The following ZNF160 variants were observed in gnomAD, a reference collection of about 807,000 sequenced individuals.
ZNF160 encodes KRAB zinc finger protein KR18.
Under a neutral mutation model 13.1 loss-of-function variants are expected in ZNF160, and 9 were observed. The ratio of observed to expected loss-of-function variants is 0.69; its 90% CI spans 0.41 to 1.20. ZNF160 has a LOEUF of 1.20. Among genes scored for constraint, ZNF160 ranks in the 50% most tolerant of loss-of-function variants. ZNF160 has a pLI of 0.01. For missense variants in ZNF160, 838 were observed against 988.0 expected (o/e 0.85, Z 2.04); for synonymous variants, 293 against 333.2 (o/e 0.88, Z 1.31).
rs142658429 is a variant in ZNF160, at chr19:53,100,621, T to C, written c.-354+2644A>G. ...CGAGACTCCGTCTCCAAAAAAAAAT[T>C]AGTTAATAGGTTCTTATGTTAACGT... On this transcript the variant is annotated intron_variant, in intron 1 of 5. Transcript: ENST00000683776. Among the ~76,000 whole-genome samples the C allele has an allele frequency of 1.3e-3, 198 of 151,016 alleles. 3 individuals are homozygous for C. In the East Asian group the frequency reaches 0.026, roughly 20 times the overall value.
intron 1 of ZNF160, among the ~76,000 whole-genome samples, chr19:53,101,432 AT>A (rs1166644304): frequency 1.3e-5 from 2 of 150,236 alleles, no homozygotes; most frequent in East Asian, 3.9e-4. Context: ...AAATATATAT[AT>A]TATTTAATAT....
chr19:53,098,263 C>T (rs2085310044), intron 1 of ZNF160, among the ~76,000 whole-genome samples: 1 of 152,166 alleles, frequency 6.6e-6, no homozygotes, highest in Non-Finnish European at 1.5e-5. Context: ...CATCCAGCTC[C>T]TCTAGAGGCT....
chr19:53,069,602 T>G lies in ZNF160; in HGVS notation c.932A>C (p.Lys311Thr). The G allele has an allele frequency of 5.0e-6, 8 of 1,614,120 alleles. No individual in the cohort carries two copies. The highest frequency in any genetic ancestry group is 6.8e-6 in the Non-Finnish European group (8 of 1,180,032). Residue 311 changes from lysine to threonine, a missense_variant, in exon 6 of 6, where the codon AAA becomes ACA. Around this residue, in one of 3 missense-constraint regions of ZNF160, gnomAD observed 387 missense variants for 402.3 expected, o/e 0.96. Transcript: ENST00000683776. This position sits in a 1 kb window ranked among gnomAD's most constrained non-coding sequence, Gnocchi z 4.4. ...GCCACACTCATGACATTTGTAAGGT[T>G]TTTCTCCAGTATGGATGACCTGATG... ...TIHQVIHTGE[K>T]PYKCHECGKV... is the part of the protein sequence containing the mutation.
At chr19:53,086,910 C>T (rs1180571228) in intron 2 of ZNF160, among the ~76,000 whole-genome samples, 1 of 152,212 alleles carries the variant, frequency 6.6e-6, no homozygotes, top group Non-Finnish European at 1.5e-5. Context: ...CTCTGCTCTC[C>T]TGTTGGGGAC....
chr19:53,073,336 C>G (rs329733), intron 5 of ZNF160: 959,859 of 1,597,022 alleles, frequency 0.6, 291,807 homozygotes, highest in Admixed American at 0.63. Flanking sequence ...TGAGAACAAT[C>G]TTAGAAGATA....
chr19:53,070,723 A>AT (rs2084139592), intron 5 of ZNF160, among the ~76,000 whole-genome samples: 1 of 152,062 alleles, frequency 6.6e-6, no homozygotes, highest in Non-Finnish European at 1.5e-5. Flanking sequence ...CAAAAGTAGT[A>AT]TTTTTTAACA....
chr19:53,077,039 A>G (rs866967620), intron 3 of ZNF160: 4 of 152,194 alleles, frequency 2.6e-5, no homozygotes, highest in Non-Finnish European at 5.9e-5. Context: ...GACCCCAGGT[A>G]AGGAAGCTAC....
At chr19:53,077,431 G>A (rs1314633355) in intron 3 of ZNF160, 1 of 152,156 alleles carries the variant, frequency 6.6e-6, no homozygotes, top group Non-Finnish European at 1.5e-5. Context: ...CCAGCACTTT[G>A]GGAGCCGAGG....
At chr19:53,077,568 G>A (rs1259914297) in intron 3 of ZNF160, among the ~76,000 whole-genome samples, 1 of 151,326 alleles carries the variant, frequency 6.6e-6, no homozygotes, top group African/African-American at 2.4e-5. Flanking sequence ...TACTCAGGAG[G>A]CTGAGACAGA....
chr19:53,095,581 C>A (rs976482805), intron 1 of ZNF160: 3 of 152,128 alleles, frequency 2.0e-5, no homozygotes, highest in African/African-American at 7.2e-5. Context: ...TTTAATACTC[C>A]CAGTTGGTGG....
chr19:53,078,303 AG>A (rs979222646), intron 3 of ZNF160, among the ~76,000 whole-genome samples: 2 of 152,086 alleles, frequency 1.3e-5, no homozygotes, highest in African/African-American at 4.8e-5. Flanking sequence ...CCAGCTACTC[AG>A]GAGGCTGAGG....
Position 53,068,159 on chromosome 19 carries a change from T to A in ZNF160, c.2375A>T (p.Asn792Ile). 6.2e-7 allele frequency: 1 copy of A among 1,614,194 alleles called. No homozygotes were observed. ...IHTGEKRYKC[N>I]ECGKVFRQSS... ...CTGCCTGAAGACCTTGCCACACTCA[T>A]TACATTTGTAACGCTTTTCTCCAGT... The change falls in exon 6 of 6, where the codon AAT becomes ATT. Residue 792 changes from asparagine to isoleucine, a missense_variant. By Grantham distance (149) the Asn-to-Ile change is moderately radical. Coordinates refer to ENST00000683776, the MANE Select transcript of ZNF160 (RefSeq NM_001322131.2).
chr19:53,084,316 C>T (rs568320162), intron 3 of ZNF160, among the ~76,000 whole-genome samples: 1 of 152,368 alleles, frequency 6.6e-6, no homozygotes, highest in South Asian at 2.1e-4. Context: ...TTAAAAGCGC[C>T]TGCTTTCTGC....
chr19:53,073,445 T>C (rs1239430490), intron 5 of ZNF160: 1 of 1,598,348 alleles, frequency 6.3e-7, no homozygotes, highest in South Asian at 1.1e-5. Flanking sequence ...TGGAGACTCT[T>C]CCATGAGGTT....
In ZNF160 at chr19:53,068,340, G is replaced by T; in HGVS notation, c.2194C>A (p.Pro732Thr). ...TTGCCACATTCATTACATTTGTAAG[G>T]TTTTTTCCCAGTATGGATTGCCTGA... ...THQAIHTGKK[P>T]YKCNECGKVF... is the part of the protein sequence containing the mutation. Residue 732 changes from proline (P) to threonine (T), a missense_variant, in exon 6 of 6, where the codon CCT (proline) becomes ACT (threonine). By Grantham distance (38) the Pro-to-Thr change is conservative (BLOSUM62 -1). Transcript: ENST00000683776. 1 of 1,614,126 alleles carries T rather than the reference G, an allele frequency of 6.2e-7. No homozygotes were observed. Among genetic ancestry groups the T allele is most frequent in the South Asian group, 1.1e-5 (1 of 91,088 alleles).
At chr19:53,086,905 C>A (rs1025192622) in intron 2 of ZNF160, among the ~76,000 whole-genome samples, 1 of 152,210 alleles carries the variant, frequency 6.6e-6, no homozygotes, top group South Asian at 2.1e-4. Context: ...TCTGGCTCTG[C>A]TCTCCTGTTG....
At chr19:53,100,563 T>C (rs983792557) in intron 1 of ZNF160, among the ~76,000 whole-genome samples, 14 of 151,670 alleles carry the variant, frequency 9.2e-5, no homozygotes, top group Non-Finnish European at 1.9e-4. Context: ...TGAGCCGAGA[T>C]TGCACCACTG....
At chr19:53,102,919 TG>T (rs2085499423) in intron 1 of ZNF160, among the ~76,000 whole-genome samples, 1 of 149,964 alleles carries the variant, frequency 6.7e-6, no homozygotes. Context: ...AGGAGGGAGG[TG>T]GGGGGCGACG....
intron 3 of ZNF160, among the ~76,000 whole-genome samples, chr19:53,080,855 A>C (rs1404918123): frequency 2.0e-5 from 3 of 152,232 alleles, no homozygotes; most frequent in Non-Finnish European, 4.4e-5. Context: ...ACAGCATGGT[A>C]CTGGTATAAA....
Sources: gnomAD v4.1 joint callset for allele counts (sites outside exome capture counted in the v4.1 genomes callset) on GRCh38, gnomAD v4.1.1 for gene constraint, gnomAD v4.1.1 regional missense constraint, Gnocchi (gnomAD v3.1) non-coding constraint, MANE v1.5 for transcripts, NCBI Gene and HGNC (gene_info 2026-07-23, HGNC 2026-07-21) for gene names.